Variants in GABRG1 observed in about 807,000 individuals in gnomAD.
GABRG1 encodes gamma-aminobutyric acid receptor subunit gamma-1.
In GABRG1, 49 loss-of-function variants were observed where a neutral mutation model predicts 49.8. The observed-to-expected ratio is 0.98, with a 90% CI of 0.78 to 1.25. The LOEUF (loss-of-function observed/expected upper bound fraction) is 1.25, where lower values mean the gene tolerates loss of function less well. Among genes scored for constraint, GABRG1 ranks in the 50% most tolerant of loss-of-function variants. The probability of loss-of-function intolerance (pLI) is 0.00; values close to 1 mark genes in which losing one functional copy is unlikely to be tolerated. For missense variants in GABRG1, 552 were observed against 552.3 expected, an observed-to-expected ratio of 1.00 and a Z score of 0.01; for synonymous variants, 232 against 185.1, an observed-to-expected ratio of 1.25 and a Z score of -2.06.
rs577209108 is a variant in GABRG1 at position 46,118,035 on chromosome 4, T to A, written c.104+5775A>T. Among the ~76,000 whole-genome samples, 157 of 131,280 alleles carry A rather than the reference T, an allele frequency of 1.2e-3. 24 individuals are homozygous for A. The highest frequency in any genetic ancestry group is 4.8e-3 in the African/African-American group (146 of 30,696). 86.1% of individuals were successfully genotyped at this position (131,280 alleles called of 152,430 possible). On this transcript the variant is annotated intron_variant, in intron 1 of 8. Coordinates refer to ENST00000295452, the MANE Select transcript of GABRG1 (RefSeq NM_173536.4). Reference sequence around the variant, plus strand: ...ATACATGTGTATCTATATACATATATACATATGTATACATGTGTGTATGTA... The same window carrying A: ...ATACATGTGTATCTATATACATATAAACATATGTATACATGTGTGTATGTA...
At chr4:46,058,946 T>C (rs1718562531) in intron 5 of GABRG1, among the ~76,000 whole-genome samples, 1 of 152,146 alleles carries the variant, frequency 6.6e-6, no homozygotes, top group Non-Finnish European at 1.5e-5. Context: ...TGATCTTTTC[T>C]TTTTAATATA....
intron 7 of GABRG1, among the ~76,000 whole-genome samples, chr4:46,053,073 C>T (rs1260847097): frequency 6.6e-6 from 1 of 151,808 alleles, no homozygotes; most frequent in Non-Finnish European, 1.5e-5. Context: ...AAAAAACAAA[C>T]ACAGTAATAT....
intron 1 of GABRG1, among the ~76,000 whole-genome samples, chr4:46,111,030 A>G (rs1488188412): frequency 6.6e-6 from 1 of 151,150 alleles, no homozygotes; most frequent in Non-Finnish European, 1.5e-5. Flanking sequence ...AATAAAAGGC[A>G]TCGAACAGAA....
At chr4:46,112,350 CT>C (rs1488462274) in intron 1 of GABRG1, among the ~76,000 whole-genome samples, 3 of 151,170 alleles carry the variant, frequency 2.0e-5, no homozygotes, top group Non-Finnish European at 3.0e-5. Context: ...ATAGACTAGG[CT>C]GTGGAGAAAA....
intron 1 of GABRG1, among the ~76,000 whole-genome samples, chr4:46,115,349 G>A (rs148354936): frequency 2.9e-4 from 43 of 150,668 alleles, no homozygotes; most frequent in South Asian, 4.2e-4. Context: ...GAATTATTCC[G>A]TAAGTTGTGT....
chr4:46,046,283 A>G (rs1388807341), intron 8 of GABRG1, among the ~76,000 whole-genome samples: 3 of 152,068 alleles, frequency 2.0e-5, no homozygotes, highest in African/African-American at 7.2e-5. Flanking sequence ...AATATTAAGC[A>G]GTGTTCTTTG....
At chr4:46,077,301 A>G (rs569776769) in intron 3 of GABRG1, among the ~76,000 whole-genome samples, 166 of 152,068 alleles carry the variant, frequency 1.1e-3, no homozygotes, top group African/African-American at 3.8e-3. Flanking sequence ...AAAGTATAAT[A>G]ATAGCAATAA....
At chr4:46,077,530 TAAAA>T (rs990692626) in intron 3 of GABRG1, among the ~76,000 whole-genome samples, 1 of 151,950 alleles carries the variant, frequency 6.6e-6, no homozygotes, top group Admixed American at 6.6e-5. Flanking sequence ...TCTTTTATAA[TAAAA>T]AACTATTTTT....
At chr4:46,094,980 A>G (rs1046380124) in intron 2 of GABRG1, among the ~76,000 whole-genome samples, 7 of 151,960 alleles carry the variant, frequency 4.6e-5, no homozygotes, top group African/African-American at 1.7e-4. Flanking sequence ...GTATATTCAA[A>G]CAAAAATTTA....
At chr4:46,053,178 T>A (rs1718297281) in intron 7 of GABRG1, among the ~76,000 whole-genome samples, 1 of 151,818 alleles carries the variant, frequency 6.6e-6, no homozygotes, top group African/African-American at 2.4e-5. Flanking sequence ...CCATTGTCAG[T>A]TATATTATTT....
intron 1 of GABRG1, among the ~76,000 whole-genome samples, chr4:46,122,769 T>A (rs1402731893): frequency 6.6e-6 from 1 of 152,152 alleles, no homozygotes; most frequent in Non-Finnish European, 1.5e-5. Flanking sequence ...TCTATCTTCA[T>A]AATGATTGTA....
chr4:46,106,167 G>C (rs1720540667), intron 1 of GABRG1, among the ~76,000 whole-genome samples: 1 of 151,408 alleles, frequency 6.6e-6, no homozygotes, highest in South Asian at 2.1e-4. Flanking sequence ...GCCCCAAAAG[G>C]TTAGCCAGAC....
At chr4:46,066,352 A>T (rs1718921616) in intron 3 of GABRG1, among the ~76,000 whole-genome samples, 1 of 152,232 alleles carries the variant, frequency 6.6e-6, no homozygotes, top group Admixed American at 6.5e-5. Context: ...GTTTTAAAGC[A>T]ACCACAAACT....
chr4:46,053,255 T>A (rs1718305494), intron 7 of GABRG1, among the ~76,000 whole-genome samples: 3 of 151,860 alleles, frequency 2.0e-5, no homozygotes, highest in African/African-American at 7.2e-5. Flanking sequence ...GTGTTTTGTA[T>A]TTTAGTAATA....
At chr4:46,067,899 A>G (rs1718977939) in intron 3 of GABRG1, among the ~76,000 whole-genome samples, 3 of 152,258 alleles carry the variant, frequency 2.0e-5, no homozygotes, top group South Asian at 4.1e-4. Flanking sequence ...TATACACAAC[A>G]TCACTGGTGT....
chr4:46,113,875 T>G (rs1203048451), intron 1 of GABRG1, among the ~76,000 whole-genome samples: 4 of 151,074 alleles, frequency 2.6e-5, no homozygotes, highest in Non-Finnish European at 4.5e-5. Flanking sequence ...TAGGTAGTAT[T>G]TATTTACAAC....
intron 1 of GABRG1, among the ~76,000 whole-genome samples, chr4:46,113,993 C>G (rs577066139): frequency 5.3e-5 from 8 of 151,082 alleles, no homozygotes; most frequent in African/African-American, 1.4e-4. Flanking sequence ...ACTGTAAGAA[C>G]TAGCTTTTCA....
rs950355273 is a variant in GABRG1 at position 46,048,702 on chromosome 4, G to C, written c.1131+2722C>G. Among the ~76,000 whole-genome samples the C allele has an allele frequency of 6.6e-5, 10 of 151,398 alleles. No individual in the cohort carries two copies. The South Asian group carries it at 1.0e-3, about 16-fold the overall frequency. On this transcript the variant is annotated intron_variant, in intron 8 of 8. Transcript: ENST00000295452. ...AGGAAAGGGAAGGGAGAAAGGAAAA[G>C]CAAGGAAGGAAAAATAGAAAGCGAG...
chr4:46,112,191 A>G (rs1381043060), intron 1 of GABRG1, among the ~76,000 whole-genome samples: 6 of 151,380 alleles, frequency 4.0e-5, no homozygotes, highest in Non-Finnish European at 8.9e-5. Context: ...ATGAACAGAC[A>G]TTTTTCAAAA....
Sources: allele counts gnomAD v4.1 joint callset (sites outside exome capture counted in the v4.1 genomes callset), GRCh38; gene constraint gnomAD v4.1.1; transcripts MANE v1.5; gene names NCBI Gene and HGNC (gene_info 2026-07-23, HGNC 2026-07-21).